The following SEMA3A variants were observed in gnomAD, a reference collection of about 807,000 sequenced individuals.
SEMA3A encodes semaphorin-3A.
In SEMA3A, 29 loss-of-function variants were observed where a neutral mutation model predicts 97.9. The ratio of observed to expected loss-of-function variants is 0.30; its 90% CI spans 0.22 to 0.40. The LOEUF (loss-of-function observed/expected upper bound fraction) is 0.40. Among genes scored for constraint, SEMA3A ranks in the 10% least tolerant of loss-of-function variants. The pLI is 1.00. For missense variants in SEMA3A, 763 were observed against 951.3 expected (o/e 0.80, Z 2.60); for synonymous variants, 321 against 323.7 (o/e 0.99, Z 0.09).
chr7:84,197,763 G>A (rs1214222799), upstream of SEMA3A, among the ~76,000 whole-genome samples: 2 of 127,558 alleles, frequency 1.6e-5, no homozygotes, highest in Non-Finnish European at 3.2e-5. Flanking sequence ...TTTTTGAGAC[G>A]GAGTCTCGCT....
At chr7:84,207,260 T>G (rs1798515557) in intron 3 of SEMA3A, among the ~76,000 whole-genome samples, 1 of 152,212 alleles carries the variant, frequency 6.6e-6, no homozygotes. Context: ...TCCTGACTAT[T>G]GTCATGGTTC....
intron 2 of SEMA3A, among the ~76,000 whole-genome samples, chr7:84,352,370 C>CA (rs5885410): frequency 0.29 from 43,424 of 151,248 alleles, 6,708 homozygotes; most frequent in African/African-American, 0.38. Flanking sequence ...TTAAAAATAA[C>CA]AAAAAGAGTA....
chr7:84,411,358 T>C (rs536426812), intron 1 of SEMA3A, among the ~76,000 whole-genome samples: 1 of 152,250 alleles, frequency 6.6e-6, no homozygotes, highest in East Asian at 1.9e-4. Flanking sequence ...TAAGACATTT[T>C]ATTGTCAGCA....
intron 3 of SEMA3A, among the ~76,000 whole-genome samples, chr7:84,285,518 C>T (rs1800557916): frequency 6.6e-6 from 1 of 152,104 alleles, no homozygotes; most frequent in African/African-American, 2.4e-5. Flanking sequence ...AATGTAAAGG[C>T]TGGTGATGCC....
intron 2 of SEMA3A, among the ~76,000 whole-genome samples, chr7:84,355,621 C>G (rs1802538685): frequency 2.0e-5 from 3 of 151,802 alleles, no homozygotes; most frequent in African/African-American, 7.2e-5. Flanking sequence ...AATTTATCAA[C>G]TCAACAACTA....
intron 1 of SEMA3A, among the ~76,000 whole-genome samples, chr7:84,155,468 A>G (rs1415705915): frequency 6.6e-6 from 1 of 152,090 alleles, no homozygotes; most frequent in Non-Finnish European, 1.5e-5. Context: ...ACTTGGCAAA[A>G]TCATTTGACC....
rs115383620 is a variant in SEMA3A at position 84,131,567 on chromosome 7, A to T, written c.271-2382T>A. Among the ~76,000 whole-genome samples, 456 of 152,232 alleles carry T rather than the reference A, an allele frequency of 3.0e-3. 5 individuals carry two copies. The highest frequency in any genetic ancestry group is 0.01 in the African/African-American group (434 of 41,560). On this transcript the variant is annotated intron_variant, in intron 2 of 16. Coordinates refer to ENST00000265362, the MANE Select transcript of SEMA3A (RefSeq NM_006080.3). The stretch of plus-strand genomic sequence containing the variant: ...ACCTGAACATGTGTTTTTGCCTCGA[A>T]GAGGGATTTGCCTAGTATTTGCCCA...
Position 84,134,420 on chromosome 7 carries a change from C to G in SEMA3A, c.270+374G>C, listed in dbSNP as rs368200303. On this transcript the variant is annotated intron_variant, in intron 2 of 16. Transcript: ENST00000265362. ...CATGTGGGTAATGGATAGATGAACT[C>G]TTCATTTTCTGGAAATACAGAGAAA... Among the ~76,000 whole-genome samples the G allele has an allele frequency of 8.9e-4, 136 of 152,246 alleles. 6 individuals carry two copies. In the South Asian group the frequency reaches 0.028, roughly 31 times the overall value.
At chr7:84,388,628 C>G (rs1454629800) in intron 1 of SEMA3A, among the ~76,000 whole-genome samples, 1 of 151,886 alleles carries the variant, frequency 6.6e-6, no homozygotes, top group Non-Finnish European at 1.5e-5. Flanking sequence ...CAAAGGAAAA[C>G]TGATTATACT....
intron 1 of SEMA3A, among the ~76,000 whole-genome samples, chr7:84,136,094 G>A (rs1796116423): frequency 6.6e-6 from 1 of 152,090 alleles, no homozygotes; most frequent in Admixed American, 6.6e-5. Flanking sequence ...CCATGGGATA[G>A]AATTTTTGAG....
At chr7:84,358,934 T>C (rs1249855592) in intron 2 of SEMA3A, among the ~76,000 whole-genome samples, 1 of 152,202 alleles carries the variant, frequency 6.6e-6, no homozygotes, top group African/African-American at 2.4e-5. Flanking sequence ...TTTGGCTGTT[T>C]GTCTGTTATT....
At chr7:83,986,121 G>A (rs550538772) in intron 12 of SEMA3A, among the ~76,000 whole-genome samples, 5 of 152,208 alleles carry the variant, frequency 3.3e-5, no homozygotes, top group South Asian at 2.1e-4. Flanking sequence ...GGTATTCTGC[G>A]AAAATTGTTC....
intron 3 of SEMA3A, among the ~76,000 whole-genome samples, chr7:84,241,175 C>A (rs1799354559): frequency 6.6e-6 from 1 of 152,182 alleles, no homozygotes; most frequent in East Asian, 1.9e-4. Flanking sequence ...CTTGAGGAAT[C>A]ACCATACTGT....
At chr7:84,184,859 A>G (rs1453286121) in intron 1 of SEMA3A, among the ~76,000 whole-genome samples, 6 of 152,128 alleles carry the variant, frequency 3.9e-5, no homozygotes, top group African/African-American at 1.4e-4. Flanking sequence ...TAACTTTTTA[A>G]AGTACCAGTG....
chr7:84,035,363 A>C (rs1428553775), intron 6 of SEMA3A, among the ~76,000 whole-genome samples: 1 of 152,086 alleles, frequency 6.6e-6, no homozygotes, highest in Non-Finnish European at 1.5e-5. Flanking sequence ...ATAGGAAGGC[A>C]GTAAAATTAC....
chr7:84,465,141 T>C (rs1005525235), intron 1 of SEMA3A, among the ~76,000 whole-genome samples: 1 of 152,164 alleles, frequency 6.6e-6, no homozygotes, highest in African/African-American at 2.4e-5. Flanking sequence ...ATTAAGCAAA[T>C]AACCTAAATT....
intron 2 of SEMA3A, among the ~76,000 whole-genome samples, chr7:84,314,036 G>A (rs1356933326): frequency 6.6e-6 from 1 of 152,048 alleles, no homozygotes; most frequent in African/African-American, 2.4e-5. Flanking sequence ...AGGTCTTGAA[G>A]TGTATGCCCA....
At chr7:84,212,134 GA>G (rs1798643599) in intron 3 of SEMA3A, among the ~76,000 whole-genome samples, 1 of 152,146 alleles carries the variant, frequency 6.6e-6, no homozygotes, top group Non-Finnish European at 1.5e-5. Flanking sequence ...AGCAGAAAAA[GA>G]AACCACATTG....
intron 3 of SEMA3A, among the ~76,000 whole-genome samples, chr7:84,274,685 C>A (rs1399479111): frequency 6.6e-6 from 1 of 151,400 alleles, no homozygotes; most frequent in Admixed American, 6.6e-5. Flanking sequence ...TATAAAATAC[C>A]CCAAAGATAC....
Sources: allele counts gnomAD v4.1 joint callset (sites outside exome capture counted in the v4.1 genomes callset), GRCh38; gene constraint gnomAD v4.1.1; transcripts MANE v1.5; gene names NCBI Gene and HGNC (gene_info 2026-07-23, HGNC 2026-07-21).